The following PXDNL variants were observed in gnomAD, a reference collection of about 807,000 sequenced individuals.
PXDNL encodes the protein probable oxidoreductase PXDNL.
PXDNL carries 145 observed loss-of-function variants against 150.8 expected under a neutral mutation model. The ratio of observed to expected loss-of-function variants is 0.96; its 90% CI spans 0.84 to 1.10. PXDNL has a LOEUF of 1.10. Among genes scored for constraint, PXDNL ranks in the 50% least tolerant of loss-of-function variants. The pLI, the probability that PXDNL is intolerant of heterozygous loss-of-function variation, is 0.00. For missense variants in PXDNL, 2,087 were observed against 1,873.9 expected (o/e 1.11, Z -2.10); for synonymous variants, 757 against 725.7 (o/e 1.04, Z -0.69).
At chr8:51,596,834 A>G (rs542364763) in intron 2 of PXDNL, among the ~76,000 whole-genome samples, 1 of 151,846 alleles carries the variant, frequency 6.6e-6, no homozygotes, top group African/African-American at 2.4e-5. Flanking sequence ...GTTTGTAGAT[A>G]TTTTCTCCCA....
intron 8 of PXDNL, among the ~76,000 whole-genome samples, chr8:51,461,873 C>A (rs542197798): frequency 2.0e-5 from 3 of 152,282 alleles, no homozygotes; most frequent in East Asian, 1.9e-4. Flanking sequence ...CAAATAAGAA[C>A]AAGCTGAAAT....
chr8:51,656,480 G>A (rs986951873), intron 1 of PXDNL, among the ~76,000 whole-genome samples: 8 of 152,026 alleles, frequency 5.3e-5, no homozygotes, highest in African/African-American at 1.9e-4. Flanking sequence ...AAGTTATGTA[G>A]ACCCGAATAC....
At chr8:51,517,372 A>T (rs1370136674) in intron 4 of PXDNL, among the ~76,000 whole-genome samples, 1 of 152,188 alleles carries the variant, frequency 6.6e-6, no homozygotes, top group Non-Finnish European at 1.5e-5. Flanking sequence ...TGAAGAAAAT[A>T]TTAGTGTATA....
At chr8:51,420,792 G>T (rs1808928388) in intron 14 of PXDNL, among the ~76,000 whole-genome samples, 1 of 152,142 alleles carries the variant, frequency 6.6e-6, no homozygotes, top group African/African-American at 2.4e-5. Context: ...AGGTTCAAGT[G>T]ATTCTCTTGC....
chr8:51,464,703 C>A (rs1490137096), intron 8 of PXDNL, among the ~76,000 whole-genome samples: 1 of 152,090 alleles, frequency 6.6e-6, no homozygotes, highest in African/African-American at 2.4e-5. Flanking sequence ...TAACATCACA[C>A]ACCAGGGCCT....
At chr8:51,445,473 T>C (rs1809653560) in intron 12 of PXDNL, among the ~76,000 whole-genome samples, 1 of 152,180 alleles carries the variant, frequency 6.6e-6, no homozygotes, top group Non-Finnish European at 1.5e-5. Context: ...TGTAGTAGAT[T>C]TATCAAATTC....
intron 1 of PXDNL, among the ~76,000 whole-genome samples, chr8:51,748,719 C>A (rs1186758038): frequency 6.6e-6 from 1 of 152,166 alleles, no homozygotes; most frequent in Non-Finnish European, 1.5e-5. Flanking sequence ...CTGGGCCCAC[C>A]CAAGTGTCCA....
Position 51,546,860 on chromosome 8 carries a change from G to A in PXDNL, c.380+9980C>T, listed in dbSNP as rs115153783. Among the ~76,000 whole-genome samples, 380 of 152,248 alleles carry A rather than the reference G, an allele frequency of 2.5e-3. 1 individual carries two copies. The highest frequency in any genetic ancestry group is 8.9e-3 in the African/African-American group (370 of 41,552). On this transcript the variant is annotated intron_variant, in intron 4 of 22. Transcript: ENST00000356297. ...TGCTGACTCCATGGGAACAGGGTAA[G>A]GCCTGTCACTGCTGGCTTCCCCCAG...
chr8:51,608,922 G>A (rs1813938076), intron 2 of PXDNL, among the ~76,000 whole-genome samples: 1 of 149,232 alleles, frequency 6.7e-6, no homozygotes, highest in South Asian at 2.2e-4. Context: ...GTAATTTTAT[G>A]TATAACTCTT....
chr8:51,507,236 CA>C (rs1420616950), intron 4 of PXDNL, among the ~76,000 whole-genome samples: 2 of 152,144 alleles, frequency 1.3e-5, no homozygotes, highest in Non-Finnish European at 2.9e-5. Flanking sequence ...CAAATATCTA[CA>C]TTAGATTTAA....
At chr8:51,386,079 A>G (rs1014294018) in intron 17 of PXDNL, among the ~76,000 whole-genome samples, 2 of 151,794 alleles carry the variant, frequency 1.3e-5, no homozygotes, top group Admixed American at 1.3e-4. Context: ...ATTTAACAGA[A>G]ATGTTGGGTG....
chr8:51,631,742 T>C (rs764202045), intron 2 of PXDNL, among the ~76,000 whole-genome samples: 3 of 152,134 alleles, frequency 2.0e-5, no homozygotes, highest in Non-Finnish European at 4.4e-5. Flanking sequence ...AGGCACACCA[T>C]AATAAAGATG....
chr8:51,683,277 A>C, intron 1 of PXDNL, among the ~76,000 whole-genome samples: 1 of 145,606 alleles, frequency 6.9e-6, no homozygotes, highest in South Asian at 2.3e-4. Context: ...GTATCAATTG[A>C]GGCGATACCT....
At chr8:51,630,607 C>T (rs529340971) in intron 2 of PXDNL, among the ~76,000 whole-genome samples, 6 of 151,954 alleles carry the variant, frequency 3.9e-5, no homozygotes, top group African/African-American at 1.2e-4. Flanking sequence ...CAAACAACCC[C>T]GTTAAAAAGT....
intron 1 of PXDNL, among the ~76,000 whole-genome samples, chr8:51,756,353 T>C (rs1302451154): frequency 2.0e-5 from 3 of 149,162 alleles, no homozygotes; most frequent in Non-Finnish European, 4.4e-5. Context: ...GATAGCATGA[T>C]TGCACTACAG....
chr8:51,716,756 G>T (rs374266199), intron 1 of PXDNL, among the ~76,000 whole-genome samples: 31 of 152,272 alleles, frequency 2.0e-4, no homozygotes, highest in Non-Finnish European at 4.3e-4. Flanking sequence ...CATCCCCAAA[G>T]GCAGGTGGAA....
intron 17 of PXDNL, among the ~76,000 whole-genome samples, chr8:51,381,513 C>A (rs1807538070): frequency 6.6e-6 from 1 of 152,054 alleles, no homozygotes; most frequent in South Asian, 2.1e-4. Flanking sequence ...AAGTACTGCC[C>A]CCCAGTATCT....
chr8:51,603,171 GT>G (rs1235757612), intron 2 of PXDNL, among the ~76,000 whole-genome samples: 5 of 151,452 alleles, frequency 3.3e-5, no homozygotes, highest in African/African-American at 1.2e-4. Context: ...CAATATCATT[GT>G]TTTTTAATAT....
chr8:51,765,850 T>C (rs1585733714), intron 1 of PXDNL, among the ~76,000 whole-genome samples: 1 of 3,746 alleles, frequency 2.7e-4, no homozygotes, highest in Non-Finnish European at 6.2e-4. Flanking sequence ...CTGTTTATTC[T>C]TTTTTTTTTT....
Sources: allele counts gnomAD v4.1 joint callset (sites outside exome capture counted in the v4.1 genomes callset), GRCh38; gene constraint gnomAD v4.1.1; transcripts MANE v1.5; gene names NCBI Gene and HGNC (gene_info 2026-07-23, HGNC 2026-07-21).